The following SHISA6 variants were observed in gnomAD, a reference collection of about 807,000 sequenced individuals.
SHISA6 encodes the protein shisa family member 6.
A neutral mutation model predicts 47.9 loss-of-function variants in SHISA6; 22 were observed. The ratio of observed to expected loss-of-function variants is 0.46; its 90% CI spans 0.33 to 0.66. The LOEUF (loss-of-function observed/expected upper bound fraction) is 0.66, where lower values mean the gene tolerates loss of function less well. Ranked by LOEUF, SHISA6 falls within the 30% of genes least tolerant of loss-of-function variation. The pLI, the probability that SHISA6 is intolerant of heterozygous loss-of-function variation, is 0.02. For synonymous variants in SHISA6, 388 were observed against 337.8 expected (o/e 1.15, Z -1.63); for missense variants, 680 against 764.6 (o/e 0.89, Z 1.30).
intron 2 of SHISA6, among the ~76,000 whole-genome samples, chr17:11,377,292 A>AG (rs1912837102): frequency 6.6e-6 from 1 of 152,136 alleles, no homozygotes; most frequent in Non-Finnish European, 1.5e-5. Flanking sequence ...TATAAAAGTG[A>AG]GGGTTGTGGC....
At chr17:11,405,617 C>A (rs1030591465) in intron 3 of SHISA6, among the ~76,000 whole-genome samples, 1 of 152,060 alleles carries the variant, frequency 6.6e-6, no homozygotes, top group Non-Finnish European at 1.5e-5. Context: ...GCCTGGCCAA[C>A]ATGGTGAAAC....
intron 3 of SHISA6, among the ~76,000 whole-genome samples, chr17:11,513,123 T>A (rs1306183100): frequency 1.3e-5 from 2 of 151,876 alleles, no homozygotes; most frequent in African/African-American, 4.8e-5. Flanking sequence ...CATGTGCTAT[T>A]TTCTTTATTT....
intron 3 of SHISA6, among the ~76,000 whole-genome samples, chr17:11,439,817 G>T (rs1473558009): frequency 6.6e-6 from 1 of 152,134 alleles, no homozygotes; most frequent in Non-Finnish European, 1.5e-5. Context: ...TTGGTCTAGT[G>T]CTTTTAGCGC....
intron 3 of SHISA6, among the ~76,000 whole-genome samples, chr17:11,545,947 A>G (rs1022736374): frequency 6.6e-6 from 1 of 152,220 alleles, no homozygotes; most frequent in African/African-American, 2.4e-5. Flanking sequence ...GAAGTCGTGC[A>G]AGGTTACTCC....
chr17:11,459,185 C>T (rs1314091704), intron 3 of SHISA6, among the ~76,000 whole-genome samples: 2 of 149,104 alleles, frequency 1.3e-5, no homozygotes, highest in Admixed American at 6.7e-5. Flanking sequence ...CACCACTTCA[C>T]TCCAGCCCGG....
intron 3 of SHISA6, among the ~76,000 whole-genome samples, chr17:11,413,770 C>T (rs1338867334): frequency 1.3e-5 from 2 of 152,160 alleles, no homozygotes; most frequent in Non-Finnish European, 1.5e-5. Flanking sequence ...GTCTCAGCCT[C>T]AGAACTGGAA....
chr17:11,557,685 G>A, intron 5 of SHISA6, 69 bp from the exon 6 acceptor site: 2 of 1,432,240 alleles, frequency 1.4e-6, no homozygotes, highest in South Asian at 1.4e-5. Context: ...GAGCGGGGCA[G>A]GGTTCTATCT....
intron 3 of SHISA6, among the ~76,000 whole-genome samples, chr17:11,518,646 G>T (rs558547646): frequency 6.6e-6 from 1 of 152,160 alleles, no homozygotes; most frequent in Non-Finnish European, 1.5e-5. Flanking sequence ...AACCCATGTG[G>T]CCAGTAGAAT....
At position 11,319,490 on chromosome 17, in the gene SHISA6, A is replaced by G. The variant is rs73976936; in HGVS notation, c.799+55964A>G. The stretch of plus-strand genomic sequence containing the variant: ...AACTTGTTTTCTGTTTCTTGAGTTC[A>G]CTCTATCTTCAGGGATTCTTTAGTT... On this transcript the variant is annotated intron_variant, in intron 2 of 5. Transcript: ENST00000441885. Among the ~76,000 whole-genome samples, 1,410 of 152,076 alleles carry G rather than the reference A, an allele frequency of 9.3e-3. 19 individuals carry two copies. Among genetic ancestry groups the G allele is most frequent in the African/African-American group, 0.032 (1,345 of 41,496 alleles).
intron 3 of SHISA6, among the ~76,000 whole-genome samples, chr17:11,497,882 T>G (rs2071421281): frequency 6.6e-6 from 1 of 152,194 alleles, no homozygotes; most frequent in African/African-American, 2.4e-5. Flanking sequence ...AGCCCATTCC[T>G]CTCTTGCTGA....
At chr17:11,390,415 C>T (rs1016284975) in intron 3 of SHISA6, among the ~76,000 whole-genome samples, 5 of 152,060 alleles carry the variant, frequency 3.3e-5, no homozygotes, top group African/African-American at 9.7e-5. Flanking sequence ...AGTTTAAGAG[C>T]GCTGTAGAAT....
At chr17:11,330,080 A>G (rs1181807909) in intron 2 of SHISA6, among the ~76,000 whole-genome samples, 1 of 152,154 alleles carries the variant, frequency 6.6e-6, no homozygotes, top group Non-Finnish European at 1.5e-5. Flanking sequence ...AACTTGCATC[A>G]TCCTTACAGC....
intron 2 of SHISA6, among the ~76,000 whole-genome samples, chr17:11,356,108 A>T (rs957017057): frequency 6.6e-6 from 1 of 152,184 alleles, no homozygotes; most frequent in Non-Finnish European, 1.5e-5. Flanking sequence ...GTATGTAGAG[A>T]AGTTTCTGTA....
chr17:11,434,982 C>G (rs1914895227), intron 3 of SHISA6, among the ~76,000 whole-genome samples: 1 of 151,972 alleles, frequency 6.6e-6, no homozygotes. Context: ...AGTCCTAACC[C>G]CAAAAGTGAT....
At chr17:11,521,377 T>A (rs2142363147) in intron 3 of SHISA6, among the ~76,000 whole-genome samples, 1 of 152,348 alleles carries the variant, frequency 6.6e-6, no homozygotes, top group Admixed American at 6.5e-5. Flanking sequence ...CTCTTAGGAC[T>A]TGAGGCTTCA....
intron 3 of SHISA6, among the ~76,000 whole-genome samples, chr17:11,460,534 G>A (rs1915665297): frequency 6.6e-6 from 1 of 152,134 alleles, no homozygotes; most frequent in South Asian, 2.1e-4. Flanking sequence ...TGGGATTACA[G>A]GCACCCACCA....
At chr17:11,487,500 T>C (rs1164173369) in intron 3 of SHISA6, among the ~76,000 whole-genome samples, 1 of 152,102 alleles carries the variant, frequency 6.6e-6, no homozygotes, top group African/African-American at 2.4e-5. Flanking sequence ...TGCAGTATTA[T>C]CCTATCTAGC....
intron 3 of SHISA6, among the ~76,000 whole-genome samples, chr17:11,391,775 C>T (rs1005888122): frequency 3.3e-5 from 5 of 152,150 alleles, no homozygotes; most frequent in Non-Finnish European, 7.3e-5. Context: ...TATTGTCCGA[C>T]ATTCTGGGAT....
chr17:11,277,285 C>CAA, intron 2 of SHISA6, among the ~76,000 whole-genome samples: 2 of 88,344 alleles, frequency 2.3e-5, no homozygotes, highest in Non-Finnish European at 4.5e-5. Flanking sequence ...CTCTCTCACA[C>CAA]ACACACACAC....
Sources: allele counts gnomAD v4.1 joint callset (sites outside exome capture counted in the v4.1 genomes callset), GRCh38; gene constraint gnomAD v4.1.1; transcripts MANE v1.5; gene names NCBI Gene and HGNC (gene_info 2026-07-23, HGNC 2026-07-21).